PHACTR1: variants seen among roughly 807,000 people sequenced by gnomAD.
PHACTR1 encodes RPEL repeat containing 1.
Under a neutral mutation model 69.2 loss-of-function variants are expected in PHACTR1, and 16 were observed. The observed-to-expected ratio is 0.23, with a 90% CI of 0.16 to 0.35. PHACTR1 has a LOEUF of 0.35. Ranked by LOEUF, PHACTR1 falls within the 10% of genes least tolerant of loss-of-function variation. PHACTR1 has a pLI of 1.00. For missense variants in PHACTR1, 510 were observed against 734.7 expected, an observed-to-expected ratio of 0.69 and a Z score of 3.54; for synonymous variants, 312 against 284.5, an observed-to-expected ratio of 1.10 and a Z score of -0.97.
chr6:13,073,081 C>G (rs1395182513), intron 5 of PHACTR1, among the ~76,000 whole-genome samples: 5 of 151,870 alleles, frequency 3.3e-5, no homozygotes, highest in Non-Finnish European at 5.9e-5. Context: ...CACCGTAGTC[C>G]CACATTTTCC....
At chr6:13,194,203 G>A (rs1460791657) in intron 7 of PHACTR1, among the ~76,000 whole-genome samples, 1 of 152,098 alleles carries the variant, frequency 6.6e-6, no homozygotes, top group African/African-American at 2.4e-5. Flanking sequence ...AAGAGATCAA[G>A]ACCATCCTGG....
chr6:12,731,309 C>T (rs1418638448), intron 3 of PHACTR1, among the ~76,000 whole-genome samples: 7 of 152,058 alleles, frequency 4.6e-5, no homozygotes, highest in East Asian at 3.9e-4. Flanking sequence ...CCACCATGCC[C>T]GGCCATATTA....
chr6:13,151,481 T>A (rs568226030), intron 5 of PHACTR1, among the ~76,000 whole-genome samples: 123 of 152,286 alleles, frequency 8.1e-4, no homozygotes, highest in African/African-American at 1.2e-3. Context: ...TCTAGAAAAA[T>A]CCTTATACAT....
intron 5 of PHACTR1, among the ~76,000 whole-genome samples, chr6:13,058,210 C>A (rs559416363): frequency 8.3e-4 from 126 of 152,324 alleles, no homozygotes; most frequent in African/African-American, 3.0e-3. Flanking sequence ...AAATAGTCAA[C>A]TGCAGCGATC....
chr6:13,013,437 G>C (rs2127649395), intron 4 of PHACTR1, among the ~76,000 whole-genome samples: 1 of 152,352 alleles, frequency 6.6e-6, no homozygotes, highest in African/African-American at 2.4e-5. Context: ...AGCGCTTTCC[G>C]TGTGAAACAT....
At chr6:12,975,407 C>G (rs1794748885) in intron 4 of PHACTR1, among the ~76,000 whole-genome samples, 1 of 152,164 alleles carries the variant, frequency 6.6e-6, no homozygotes, top group Admixed American at 6.5e-5. Context: ...TGAAAATACT[C>G]TTAAAACTTC....
At chr6:13,232,381 T>A (rs1298751027) in intron 10 of PHACTR1, among the ~76,000 whole-genome samples, 3 of 152,220 alleles carry the variant, frequency 2.0e-5, no homozygotes, top group African/African-American at 7.2e-5. Context: ...TGTAAAATGG[T>A]CAACACTGAT....
chr6:12,763,867 G>A (rs1411511384), intron 4 of PHACTR1, among the ~76,000 whole-genome samples: 1 of 151,996 alleles, frequency 6.6e-6, no homozygotes, highest in Non-Finnish European at 1.5e-5. Context: ...ACCTTTGGTG[G>A]CAAGGGGCAG....
intron 4 of PHACTR1, among the ~76,000 whole-genome samples, chr6:12,763,919 T>G (rs1320478852): frequency 1.4e-5 from 2 of 146,434 alleles, no homozygotes; most frequent in Non-Finnish European, 3.1e-5. Context: ...TATTATTAAT[T>G]AATAATTAAT....
rs141027980 is a variant in PHACTR1 at position 12,841,913 on chromosome 6, C to A, written c.250+92123C>A. ...ATTTCAGTTGTCCAAGGGCTTCTTA[C>A]ACCTTTATTTAAAAAAAAGGTAAAG... On this transcript the variant is annotated intron_variant, in intron 4 of 14. Coordinates refer to ENST00000332995, the MANE Select transcript of PHACTR1 (RefSeq NM_030948.6). Among the ~76,000 whole-genome samples the A allele has an allele frequency of 5.3e-5, 8 of 152,156 alleles. No individual in the cohort carries two copies. In the East Asian group the frequency reaches 1.5e-3, roughly 29 times the overall value.
chr6:13,029,206 G>T (rs1561715490), intron 4 of PHACTR1, among the ~76,000 whole-genome samples: 1 of 152,156 alleles, frequency 6.6e-6, no homozygotes, highest in Non-Finnish European at 1.5e-5. Context: ...TTACAAGACT[G>T]TATTAAAATG....
chr6:13,070,097 A>G lies in PHACTR1; in HGVS notation c.415+16568A>G, dbSNP rs563880811. On this transcript the variant is annotated intron_variant, in intron 5 of 14. Coordinates refer to ENST00000332995, the MANE Select transcript of PHACTR1 (RefSeq NM_030948.6). ...CACCCTAGCAGGCTTCCCCTCCAAT[A>G]GCACCCTGACTCTATGAAATGATTA... Among the ~76,000 whole-genome samples the G allele has an allele frequency of 1.8e-4, 27 of 152,246 alleles. No individual in the cohort carries two copies. In the South Asian group the frequency reaches 3.3e-3, roughly 19 times the overall value.
At chr6:13,068,502 A>G (rs1386435513) in intron 5 of PHACTR1, among the ~76,000 whole-genome samples, 1 of 152,120 alleles carries the variant, frequency 6.6e-6, no homozygotes, top group Non-Finnish European at 1.5e-5. Flanking sequence ...TTTATTTCCT[A>G]TTTTCAGTCT....
chr6:13,109,790 A>G (rs551700575), intron 5 of PHACTR1, among the ~76,000 whole-genome samples: 1 of 151,062 alleles, frequency 6.6e-6, no homozygotes, highest in Non-Finnish European at 1.5e-5. Flanking sequence ...ATGACCATTC[A>G]TATTGTTTCA....
At chr6:13,047,881 C>T (rs1329204324) in intron 4 of PHACTR1, among the ~76,000 whole-genome samples, 8 of 152,096 alleles carry the variant, frequency 5.3e-5, no homozygotes, top group African/African-American at 1.7e-4. Context: ...AGGAGCGCCC[C>T]GAGCCCCGGC....
In PHACTR1 at chr6:12,829,964, A is replaced by AG. The variant is rs1777240400; in HGVS notation, c.250+80174_250+80175insG. 1.6e-3 allele frequency among the ~76,000 whole-genome samples: 155 copies of AG among 99,944 alleles called. 4 individuals carry two copies. In the South Asian group the frequency reaches 0.03, roughly 20 times the overall value. The allele number at this position is 99,944 out of a possible 152,430, so 65.6% of individuals were successfully genotyped here. A position where few individuals can be genotyped will look rare whatever the true frequency, so the allele number is the denominator to read the frequency against. On this transcript the variant is annotated intron_variant, in intron 4 of 14. Coordinates refer to ENST00000332995, the MANE Select transcript of PHACTR1 (RefSeq NM_030948.6). ...CAGAGCAAGACTCCGTCAAGAAAGA[A>AG]AGAGAGAGAGAGAGAGAGAGAGAGA... is the stretch of plus-strand genomic sequence containing the variant.
rs539935968 is a variant in PHACTR1, at chr6:12,784,243, CATAT to C, written c.250+34458_250+34461del. ...ATGATGATATATACATATACTCATA[CATAT>C]ATATCTTTACACACTCACAGATACA... On this transcript the variant is annotated intron_variant, in intron 4 of 14. Coordinates refer to ENST00000332995, the MANE Select transcript of PHACTR1 (RefSeq NM_030948.6). Among the ~76,000 whole-genome samples the C allele has an allele frequency of 2.3e-4, 35 of 151,856 alleles. No individual in the cohort carries two copies. The South Asian group carries it at 6.4e-3, about 28-fold the overall frequency.
At chr6:13,209,073 C>A (rs1766394207) in intron 8 of PHACTR1, among the ~76,000 whole-genome samples, 1 of 152,128 alleles carries the variant, frequency 6.6e-6, no homozygotes, top group Admixed American at 6.6e-5. Flanking sequence ...AGATTGCCAC[C>A]CCAGAGAAAG....
chr6:12,773,469 T>C (rs1375303989), intron 4 of PHACTR1, among the ~76,000 whole-genome samples: 1 of 152,220 alleles, frequency 6.6e-6, no homozygotes, highest in Non-Finnish European at 1.5e-5. Context: ...GTTTAAACAA[T>C]GTATCGCTTC....
Sources: gnomAD v4.1 joint callset for allele counts (sites outside exome capture counted in the v4.1 genomes callset) on GRCh38, gnomAD v4.1.1 for gene constraint, MANE v1.5 for transcripts, NCBI Gene and HGNC (gene_info 2026-07-23, HGNC 2026-07-21) for gene names.